Variants in TENM3 observed in about 807,000 individuals in gnomAD.
TENM3 encodes the protein teneurin transmembrane protein 3.
Under a neutral mutation model 255.1 loss-of-function variants are expected in TENM3, and 63 were observed. The ratio of observed to expected loss-of-function variants is 0.25; its 90% CI spans 0.20 to 0.30. TENM3 has a LOEUF of 0.30. TENM3 is among the 10% of genes least tolerant of loss of function. The pLI, the probability that TENM3 is intolerant of heterozygous loss-of-function variation, is 1.00. For synonymous variants in TENM3, 1,306 were observed against 1,322.3 expected, an observed-to-expected ratio of 0.99 and a Z score of 0.27; for missense variants, 2,929 against 3,461.1, an observed-to-expected ratio of 0.85 and a Z score of 3.86.
chr4:182,094,902 T>C, the TENM3 span, among the ~76,000 whole-genome samples: 21 of 147,512 alleles, frequency 1.4e-4, 1 homozygote, highest in East Asian at 4.0e-3. Context: ...CACTAGAGCT[T>C]ATAAACACAA....
At chr4:182,708,910 ATAAT>A (rs1419980057) in intron 12 of TENM3, among the ~76,000 whole-genome samples, 1 of 152,148 alleles carries the variant, frequency 6.6e-6, no homozygotes, top group Non-Finnish European at 1.5e-5. Flanking sequence ...TCCAAGGTAA[ATAAT>A]TGAAACTCCA....
chr4:182,683,479 T>C (rs76953972), intron 11 of TENM3, among the ~76,000 whole-genome samples: 2,111 of 152,274 alleles, frequency 0.014, 53 homozygotes, highest in South Asian at 0.1. Context: ...TCTGCAAATA[T>C]TATAACATCT....
intron 3 of TENM3, among the ~76,000 whole-genome samples, chr4:182,395,058 T>G (rs933438330): frequency 2.0e-5 from 3 of 152,178 alleles, no homozygotes; most frequent in African/African-American, 7.2e-5. Context: ...TTAGAGGGCT[T>G]TTCATGCTTA....
intron 3 of TENM3, among the ~76,000 whole-genome samples, chr4:182,538,916 A>G (rs538911636): frequency 3.2e-4 from 48 of 152,130 alleles, no homozygotes; most frequent in African/African-American, 1.1e-3. Context: ...TGTTGTGAAC[A>G]TTCTGAAGTT....
At chr4:181,512,725 G>A in the TENM3 span, among the ~76,000 whole-genome samples, 1 of 152,040 alleles carries the variant, frequency 6.6e-6, no homozygotes, top group South Asian at 2.1e-4. Context: ...TGTTTTTATA[G>A]GAAACAACCA....
At chr4:181,526,888 C>T in the TENM3 span, among the ~76,000 whole-genome samples, 1 of 152,202 alleles carries the variant, frequency 6.6e-6, no homozygotes, top group African/African-American at 2.4e-5. Flanking sequence ...TCTGTGACCT[C>T]TCTTTCGAGT....
At chr4:182,244,103 G>T (rs567044600) in intron 1 of TENM3, among the ~76,000 whole-genome samples, 1 of 150,484 alleles carries the variant, frequency 6.6e-6, no homozygotes, top group African/African-American at 2.4e-5. Flanking sequence ...ACAGGCGCCC[G>T]CCACCACGCC....
chr4:181,627,227 C>T, the TENM3 span, among the ~76,000 whole-genome samples: 8 of 152,138 alleles, frequency 5.3e-5, no homozygotes, highest in Non-Finnish European at 1.2e-4. Flanking sequence ...ACCTGCTATA[C>T]ACAGTATTTT....
chr4:181,854,435 C>G, the TENM3 span, among the ~76,000 whole-genome samples: 1 of 152,204 alleles, frequency 6.6e-6, no homozygotes, highest in Non-Finnish European at 1.5e-5. Context: ...AATTTAAGAA[C>G]CAGCAAATGT....
At chr4:181,993,492 G>A in the TENM3 span, among the ~76,000 whole-genome samples, 1 of 152,156 alleles carries the variant, frequency 6.6e-6, no homozygotes, top group African/African-American at 2.4e-5. Flanking sequence ...TGTGTCTGCT[G>A]TGGCGAGGCA....
intron 3 of TENM3, among the ~76,000 whole-genome samples, chr4:182,516,450 G>T (rs1256573130): frequency 6.6e-6 from 1 of 152,176 alleles, no homozygotes; most frequent in Non-Finnish European, 1.5e-5. Flanking sequence ...AATCCCAATG[G>T]TACTTTTATA....
At chr4:182,114,301 T>G in the TENM3 span, among the ~76,000 whole-genome samples, 142 of 82,348 alleles carry the variant, frequency 1.7e-3, no homozygotes, top group African/African-American at 4.7e-3. Context: ...TTCCTATGAA[T>G]GAAATGCATA....
At chr4:182,777,483 A>G (rs1163635298) in intron 24 of TENM3, among the ~76,000 whole-genome samples, 1 of 133,484 alleles carries the variant, frequency 7.5e-6, no homozygotes, top group Non-Finnish European at 1.5e-5. Context: ...TAGAGATATC[A>G]TTCTCTCTGT....
intron 1 of TENM3, among the ~76,000 whole-genome samples, chr4:182,267,647 T>G (rs1400866914): frequency 6.6e-6 from 1 of 151,428 alleles, no homozygotes; most frequent in Non-Finnish European, 1.5e-5. Flanking sequence ...AACCCATGAC[T>G]GGGCTCAGCT....
chr4:181,553,290 T>TA, the TENM3 span, among the ~76,000 whole-genome samples: 1 of 117,428 alleles, frequency 8.5e-6, no homozygotes, highest in Admixed American at 8.7e-5. Context: ...TGTGTGTGTG[T>TA]GTGTGTGTAG....
chr4:182,254,255 C>G (rs1308726749), intron 1 of TENM3, among the ~76,000 whole-genome samples: 1 of 151,900 alleles, frequency 6.6e-6, no homozygotes, highest in Non-Finnish European at 1.5e-5. Context: ...TTACAGTTCT[C>G]TAAGGACCCA....
chr4:182,451,338 C>T (rs1773445845), intron 3 of TENM3, among the ~76,000 whole-genome samples: 1 of 152,146 alleles, frequency 6.6e-6, no homozygotes, highest in Admixed American at 6.5e-5. Flanking sequence ...GACTCTTCTA[C>T]TGATGTCTGA....
the TENM3 span, among the ~76,000 whole-genome samples, chr4:181,875,681 T>C: frequency 6.6e-6 from 1 of 152,190 alleles, no homozygotes; most frequent in African/African-American, 2.4e-5. Context: ...GCATGGACTC[T>C]ACGTTCAGAG....
At chr4:181,857,168 G>A in the TENM3 span, among the ~76,000 whole-genome samples, 2 of 152,286 alleles carry the variant, frequency 1.3e-5, no homozygotes, top group East Asian at 3.9e-4. Flanking sequence ...AGGGGAAGGT[G>A]AGGGCATGAG....
Sources: gnomAD v4.1 joint callset for allele counts (sites outside exome capture counted in the v4.1 genomes callset) on GRCh38, gnomAD v4.1.1 for gene constraint, MANE v1.5 for transcripts, NCBI Gene and HGNC (gene_info 2026-07-23, HGNC 2026-07-21) for gene names.